The following EYS variants were observed in gnomAD, a reference collection of about 807,000 sequenced individuals.
EYS encodes EGF-like photoreceptor maintenance factor.
In EYS, 250 loss-of-function variants were observed where a neutral mutation model predicts 282.1. The observed-to-expected ratio is 0.89, with a 90% CI of 0.80 to 0.98. The LOEUF is 0.98. Among genes scored for constraint, EYS ranks in the 50% least tolerant of loss-of-function variants. The probability of loss-of-function intolerance (pLI) is 0.00; values close to 1 mark genes in which losing one functional copy is unlikely to be tolerated. For missense variants in EYS, 4,016 were observed against 3,709.0 expected, an observed-to-expected ratio of 1.08 and a Z score of -2.15; for synonymous variants, 1,355 against 1,282.9, an observed-to-expected ratio of 1.06 and a Z score of -1.20.
intron 28 of EYS, 85 bp downstream of exon 28, chr6:64,436,089 C>A: frequency 2.7e-6 from 2 of 749,212 alleles, no homozygotes; most frequent in Non-Finnish European, 4.2e-6. Context: ...AGTATAACCT[C>A]AATTTTGAAA....
At chr6:64,861,927 C>G (rs561392026) in intron 19 of EYS, among the ~76,000 whole-genome samples, 64 of 152,278 alleles carry the variant, frequency 4.2e-4, no homozygotes, top group African/African-American at 1.5e-3. Flanking sequence ...ATTTCAATTT[C>G]TGACCAATAT....
chr6:64,993,723 T>C (rs143585241), intron 14 of EYS, among the ~76,000 whole-genome samples: 1,801 of 147,756 alleles, frequency 0.012, 41 homozygotes, highest in African/African-American at 0.042. Context: ...ACTTAAAGTA[T>C]AATTAAAAAA....
intron 26 of EYS, among the ~76,000 whole-genome samples, chr6:64,482,640 G>A (rs577144238): frequency 2.6e-5 from 4 of 151,712 alleles, no homozygotes; most frequent in South Asian, 4.1e-4. Flanking sequence ...AATGTAGAAC[G>A]ATTATTGTAT....
intron 22 of EYS, among the ~76,000 whole-genome samples, chr6:64,804,900 T>C (rs886236128): frequency 8.6e-6 from 1 of 116,878 alleles, no homozygotes; most frequent in Non-Finnish European, 2.0e-5. Flanking sequence ...CATATTTTCT[T>C]CTGCTAAAAT....
chr6:64,096,545 G>A (rs2150255830), intron 31 of EYS, among the ~76,000 whole-genome samples: 1 of 152,242 alleles, frequency 6.6e-6, no homozygotes. Flanking sequence ...GATCGAATCA[G>A]CTACTGAGGC....
Position 64,436,254 on chromosome 6 carries a change from G to A in EYS, c.5847C>T (p.Tyr1949=). The stretch of plus-strand genomic sequence containing the variant: ...TTTTAAATTTTGCTTCACCAGGACA[G>A]TAAAAGTGGTACTGTTGGGGGAAAA... ...IENGTLKYHF[Y]CPGEAKFKSI... Residue 1949 remains tyrosine (Y), a synonymous_variant, in exon 28 of 43, where the codon TAC becomes TAT. Coordinates refer to ENST00000503581, the MANE Select transcript of EYS (RefSeq NM_001142800.2). 1.3e-6 allele frequency: 2 copies of A among 1,538,324 alleles called. No homozygotes were observed. Among genetic ancestry groups the A allele is most frequent in the Non-Finnish European group, 8.8e-7 (1 of 1,138,738 alleles).
intron 5 of EYS, among the ~76,000 whole-genome samples, chr6:65,482,133 A>C (rs1289349445): frequency 6.6e-6 from 1 of 152,204 alleles, no homozygotes; most frequent in Non-Finnish European, 1.5e-5. Flanking sequence ...TAATTATCAT[A>C]GTGACTAGAG....
At chr6:65,446,271 A>C (rs565677221) in intron 5 of EYS, among the ~76,000 whole-genome samples, 2 of 151,974 alleles carry the variant, frequency 1.3e-5, no homozygotes, top group Non-Finnish European at 3.0e-5. Flanking sequence ...TAATGAAGCC[A>C]TTAATTTTTT....
intron 5 of EYS, among the ~76,000 whole-genome samples, chr6:65,456,369 G>A (rs992092304): frequency 6.6e-6 from 1 of 151,486 alleles, no homozygotes; most frequent in African/African-American, 2.4e-5. Context: ...AGAACCACTT[G>A]AACCTGAGAG....
intron 22 of EYS, among the ~76,000 whole-genome samples, chr6:64,781,403 T>G (rs888145259): frequency 1.3e-4 from 19 of 151,982 alleles, no homozygotes; most frequent in Middle Eastern, 3.4e-3. Context: ...CAATCAAACC[T>G]CCTATAAGAT....
At chr6:65,329,191 T>C in intron 11 of EYS, 2 of 230,366 alleles carry the variant, frequency 8.7e-6, no homozygotes, top group Non-Finnish European at 1.4e-5. Flanking sequence ...TTTAAATATA[T>C]AACGTATGTA....
chr6:65,611,294 T>C (rs1438065000), intron 2 of EYS, among the ~76,000 whole-genome samples: 1 of 151,994 alleles, frequency 6.6e-6, no homozygotes, highest in African/African-American at 2.4e-5. Flanking sequence ...ATTTTCTGTA[T>C]AATTGCAATT....
Position 65,494,958 on chromosome 6 carries a change from A to T in EYS, c.453T>A (p.Val151=), listed in dbSNP as rs373183802. The T allele has an allele frequency of 1.7e-4, 277 of 1,614,050 alleles. No individual in the cohort carries two copies. The highest frequency in any genetic ancestry group is 2.2e-4 in the Non-Finnish European group (265 of 1,180,026). The part of the protein sequence containing the change: ...LSVGTHYFIT[V]MASGPSPCPL... The stretch of plus-strand genomic sequence containing the variant: ...GACAAGGTGATGGACCACTTGCCAT[A>T]ACTGTGATAAAATAATGTGTCCCAA... Residue 151 remains valine, a synonymous_variant, in exon 4 of 43, where the codon GTT becomes GTA. Coordinates refer to ENST00000503581, the MANE Select transcript of EYS (RefSeq NM_001142800.2).
intron 22 of EYS, among the ~76,000 whole-genome samples, chr6:64,768,029 T>C (rs921551898): frequency 3.3e-5 from 5 of 152,126 alleles, no homozygotes; most frequent in African/African-American, 1.2e-4. Context: ...ATTTCTTGTA[T>C]GATAAATTGT....
intron 31 of EYS, among the ~76,000 whole-genome samples, chr6:64,160,902 C>T (rs1463805598): frequency 6.6e-6 from 1 of 152,126 alleles, no homozygotes; most frequent in South Asian, 2.1e-4. Context: ...GTGAATGATG[C>T]CAGGACTGCT....
chr6:65,129,111 T>C (rs905407197), intron 12 of EYS, among the ~76,000 whole-genome samples: 1 of 152,040 alleles, frequency 6.6e-6, no homozygotes, highest in Non-Finnish European at 1.5e-5. Context: ...TGGCTATCCA[T>C]ATGCAGAAGA....
chr6:64,503,394 T>C (rs1279441710), intron 26 of EYS, among the ~76,000 whole-genome samples: 2 of 152,186 alleles, frequency 1.3e-5, no homozygotes, highest in Non-Finnish European at 2.9e-5. Context: ...GAATCAAAGG[T>C]TACTTATTCT....
At chr6:64,922,471 G>T (rs1296257405) in intron 15 of EYS, among the ~76,000 whole-genome samples, 1 of 152,060 alleles carries the variant, frequency 6.6e-6, no homozygotes, top group Admixed American at 6.6e-5. Context: ...ATTTTACCAA[G>T]CATATTAAAA....
intron 35 of EYS, among the ~76,000 whole-genome samples, chr6:63,949,286 C>A (rs1239324577): frequency 6.6e-6 from 1 of 152,178 alleles, no homozygotes; most frequent in Non-Finnish European, 1.5e-5. Context: ...CCTTGCCCAT[C>A]TCAACACTTA....
Sources: gnomAD v4.1 joint callset for allele counts (sites outside exome capture counted in the v4.1 genomes callset) on GRCh38, gnomAD v4.1.1 for gene constraint, MANE v1.5 for transcripts, NCBI Gene and HGNC (gene_info 2026-07-23, HGNC 2026-07-21) for gene names.